The following PARD3 variants were observed in gnomAD, a reference collection of about 807,000 sequenced individuals.
The protein encoded by PARD3 is par-3 family cell polarity regulator.
In PARD3, 75 loss-of-function variants were observed where a neutral mutation model predicts 155.4. The ratio of observed to expected loss-of-function variants is 0.48; its 90% CI spans 0.40 to 0.58. The LOEUF is 0.58. Ranked by LOEUF, PARD3 falls within the 20% of genes least tolerant of loss-of-function variation. The probability of loss-of-function intolerance (pLI) is 0.00; values close to 1 mark genes in which losing one functional copy is unlikely to be tolerated. For missense variants in PARD3, 1,642 were observed against 1,721.7 expected (o/e 0.95, Z 0.82); for synonymous variants, 576 against 610.5 (o/e 0.94, Z 0.83).
chr10:34,530,278 C>T (rs2082755477), intron 2 of PARD3, among the ~76,000 whole-genome samples: 1 of 152,008 alleles, frequency 6.6e-6, no homozygotes, highest in Admixed American at 6.6e-5. Flanking sequence ...CATACAATAC[C>T]AACCCTTCTT....
intron 2 of PARD3, among the ~76,000 whole-genome samples, chr10:34,598,520 T>C (rs1475511035): frequency 1.3e-5 from 2 of 152,108 alleles, no homozygotes; most frequent in Non-Finnish European, 2.9e-5. Flanking sequence ...CTTGACAATA[T>C]GAGAATGAAA....
intron 12 of PARD3, among the ~76,000 whole-genome samples, chr10:34,367,383 C>T (rs1286869876): frequency 2.0e-5 from 3 of 152,170 alleles, no homozygotes; most frequent in East Asian, 1.9e-4. Flanking sequence ...TAATCATTTT[C>T]GTAACTATAA....
chr10:34,756,477 TAA>T (rs34468358), intron 1 of PARD3, among the ~76,000 whole-genome samples: 3,285 of 83,212 alleles, frequency 0.039, 133 homozygotes, highest in African/African-American at 0.12. Context: ...TTTTTTCTTA[TAA>T]AAAAAAAAAA....
At chr10:34,435,053 A>G (rs1194421184) in intron 5 of PARD3, among the ~76,000 whole-genome samples, 2 of 152,236 alleles carry the variant, frequency 1.3e-5, no homozygotes, top group Non-Finnish European at 2.9e-5. Flanking sequence ...AAAGACATTT[A>G]AACATTCTGT....
At chr10:34,479,160 AT>A (rs571846177) in intron 3 of PARD3, among the ~76,000 whole-genome samples, 2,208 of 131,746 alleles carry the variant, frequency 0.017, 23 homozygotes, top group African/African-American at 0.046. Flanking sequence ...CTCAAATTTA[AT>A]TTTTTTTTTT....
chr10:34,605,186 T>A lies in PARD3; in HGVS notation c.223-88027A>T, dbSNP rs1457652850. On this transcript the variant is annotated intron_variant, in intron 2 of 24. Coordinates refer to ENST00000374788, the MANE Select transcript of PARD3 (RefSeq NM_001184785.2). ...GAAACAGCCCCAAAATGAAATTTTT[T>A]TTTTTTTTTTTTTTTTTTTTTTTTG... 1.8e-4 allele frequency among the ~76,000 whole-genome samples: 21 copies of A among 114,844 alleles called. 2 individuals carry two copies. The highest frequency in any genetic ancestry group is 3.0e-4 in the Non-Finnish European group (17 of 56,018). The allele number at this position is 114,844 out of a possible 152,430, so 75.3% of individuals were successfully genotyped here.
At chr10:34,814,843 G>A in intron 1 of PARD3, 33 bp downstream of exon 1, 2 of 684,280 alleles carry the variant, frequency 2.9e-6, no homozygotes, top group Non-Finnish European at 4.4e-6. Flanking sequence ...CCCCGCCGCC[G>A]CCCCCTCCCC....
chr10:34,660,578 G>A (rs1315265097), intron 2 of PARD3, among the ~76,000 whole-genome samples: 1 of 152,062 alleles, frequency 6.6e-6, no homozygotes, highest in Non-Finnish European at 1.5e-5. Flanking sequence ...ATGCTGAAAT[G>A]CACAGCAAAA....
At chr10:34,697,205 A>C (rs1019872965) in intron 1 of PARD3, among the ~76,000 whole-genome samples, 1 of 152,214 alleles carries the variant, frequency 6.6e-6, no homozygotes, top group Non-Finnish European at 1.5e-5. Context: ...AAGAAGAAAC[A>C]TAGTTGTGTG....
intron 23 of PARD3, among the ~76,000 whole-genome samples, chr10:34,131,077 C>T (rs369553569): frequency 3.7e-4 from 57 of 152,218 alleles, no homozygotes; most frequent in African/African-American, 1.3e-3. Flanking sequence ...AAAAGAATTA[C>T]TAAACACTGT....
intron 3 of PARD3, among the ~76,000 whole-genome samples, chr10:34,502,139 C>T (rs1212077172): frequency 6.6e-6 from 1 of 152,194 alleles, no homozygotes; most frequent in Non-Finnish European, 1.5e-5. Context: ...ATCAGCCACC[C>T]AGTCTAAGGT....
chr10:34,296,525 C>T (rs61840245), intron 20 of PARD3, among the ~76,000 whole-genome samples: 13,439 of 152,180 alleles, frequency 0.088, 664 homozygotes, highest in Non-Finnish European at 0.1. Flanking sequence ...TCATACCTGA[C>T]CAACTCATTA....
chr10:34,403,864 G>C (rs1216171420), intron 5 of PARD3, among the ~76,000 whole-genome samples: 3 of 152,268 alleles, frequency 2.0e-5, no homozygotes, highest in East Asian at 1.9e-4. Flanking sequence ...TTATAAACCA[G>C]ATGTAGGACA....
At chr10:34,710,806 C>T (rs915401213) in intron 1 of PARD3, among the ~76,000 whole-genome samples, 1 of 152,160 alleles carries the variant, frequency 6.6e-6, no homozygotes, top group Non-Finnish European at 1.5e-5. Context: ...TTATTCTCTT[C>T]CACATATCTG....
intron 2 of PARD3, among the ~76,000 whole-genome samples, chr10:34,690,074 G>C (rs1224915828): frequency 6.6e-6 from 1 of 152,100 alleles, no homozygotes; most frequent in Non-Finnish European, 1.5e-5. Context: ...CTCCCAAGTA[G>C]CTGGGATTAC....
chr10:34,655,361 G>T (rs2093137375), intron 2 of PARD3, among the ~76,000 whole-genome samples: 1 of 151,958 alleles, frequency 6.6e-6, no homozygotes, highest in African/African-American at 2.4e-5. Flanking sequence ...ACATTGATTT[G>T]TGTGTTTTAT....
chr10:34,540,205 A>G (rs1163283462), intron 2 of PARD3, among the ~76,000 whole-genome samples: 2 of 152,180 alleles, frequency 1.3e-5, no homozygotes, highest in Non-Finnish European at 2.9e-5. Flanking sequence ...GCATTAGAGC[A>G]GGATTGCTCT....
At chr10:34,116,902 G>C (rs1203686753) in intron 24 of PARD3, among the ~76,000 whole-genome samples, 1 of 151,742 alleles carries the variant, frequency 6.6e-6, no homozygotes, top group African/African-American at 2.4e-5. Flanking sequence ...AGGCGCTTCC[G>C]CAGGGAGAGG....
At chr10:34,318,239 T>C (rs1004307534) in intron 19 of PARD3, among the ~76,000 whole-genome samples, 2 of 152,162 alleles carry the variant, frequency 1.3e-5, no homozygotes, top group Non-Finnish European at 2.9e-5. Context: ...CATTTCTCTA[T>C]TAAATAAGAA....
Sources: allele counts gnomAD v4.1 joint callset (sites outside exome capture counted in the v4.1 genomes callset), GRCh38; gene constraint gnomAD v4.1.1; transcripts MANE v1.5; gene names NCBI Gene and HGNC (gene_info 2026-07-23, HGNC 2026-07-21).